The following AFAP1 variants were observed in gnomAD, a reference collection of about 807,000 sequenced individuals.
AFAP1 encodes actin filament associated protein 1.
A neutral mutation model predicts 93.9 loss-of-function variants in AFAP1; 75 were observed. That is an observed-to-expected ratio of 0.80 (90% CI 0.66 to 0.97). The LOEUF (loss-of-function observed/expected upper bound fraction) is 0.97. Ranked by LOEUF, AFAP1 falls within the 50% of genes least tolerant of loss-of-function variation. The pLI is 0.00. For missense variants in AFAP1, 1,201 were observed against 1,050.8 expected, an observed-to-expected ratio of 1.14 and a Z score of -1.98; for synonymous variants, 517 against 430.7, an observed-to-expected ratio of 1.20 and a Z score of -2.48.
chr4:7,767,102 AATCCTG>A (rs1443980682), intron 17 of AFAP1, among the ~76,000 whole-genome samples: 1 of 152,172 alleles, frequency 6.6e-6, no homozygotes, highest in Non-Finnish European at 1.5e-5. Context: ...TGTTCTCAGA[AATCCTG>A]GGGAACCCTG....
At chr4:7,861,309 C>T (rs1167099694) in intron 3 of AFAP1, among the ~76,000 whole-genome samples, 2 of 152,234 alleles carry the variant, frequency 1.3e-5, no homozygotes, top group Non-Finnish European at 2.9e-5. Context: ...TCTAAACTTC[C>T]TGTGCCGCTT....
chr4:7,779,496 C>T (rs543707475), intron 13 of AFAP1, among the ~76,000 whole-genome samples: 3 of 152,190 alleles, frequency 2.0e-5, no homozygotes, highest in Non-Finnish European at 4.4e-5. Context: ...CAGGCCAACA[C>T]GTTTTGCATT....
intron 10 of AFAP1, among the ~76,000 whole-genome samples, chr4:7,795,085 A>G (rs957006467): frequency 3.9e-5 from 6 of 152,212 alleles, no homozygotes; most frequent in Non-Finnish European, 8.8e-5. Flanking sequence ...TTTAACACTG[A>G]TCATAATATA....
intron 4 of AFAP1, among the ~76,000 whole-genome samples, chr4:7,849,284 G>A (rs940001172): frequency 6.6e-6 from 1 of 152,110 alleles, no homozygotes; most frequent in African/African-American, 2.4e-5. Flanking sequence ...GGCAGGAGCT[G>A]TGGCCCTCAT....
chr4:7,864,167 A>AACTTCCCATCACAACGCATT (rs1577313455), intron 3 of AFAP1, among the ~76,000 whole-genome samples: 1 of 125,726 alleles, frequency 8.0e-6, no homozygotes, highest in Non-Finnish European at 1.7e-5. Flanking sequence ...ATCACAACCC[A>AACTTCCCATCACAACGCATT]CAGGTCCTTT....
At chr4:7,778,322 G>A (rs909633397) in intron 14 of AFAP1, 13 of 251,464 alleles carry the variant, frequency 5.2e-5, no homozygotes, top group East Asian at 2.4e-4. Flanking sequence ...TTGGAGGTCC[G>A]TGTATTACCT....
chr4:7,837,340 T>C (rs1195017593), intron 6 of AFAP1, among the ~76,000 whole-genome samples: 1 of 152,154 alleles, frequency 6.6e-6, no homozygotes, highest in African/African-American at 2.4e-5. Context: ...GACTAGGTCA[T>C]GAGGGCAGAG....
chr4:7,766,703 C>A (rs1398608884), intron 17 of AFAP1, among the ~76,000 whole-genome samples: 1 of 152,180 alleles, frequency 6.6e-6, no homozygotes, highest in East Asian at 1.9e-4. Context: ...AGCCCAGCGC[C>A]TGCCCCTCGG....
At chr4:7,815,616 T>C (rs971722281) in intron 8 of AFAP1, among the ~76,000 whole-genome samples, 7 of 152,056 alleles carry the variant, frequency 4.6e-5, no homozygotes, top group Non-Finnish European at 1.0e-4. Context: ...AATGGGAAAG[T>C]GGGTTTCTTG....
At chr4:7,868,498 G>C in intron 3 of AFAP1, 124 bp downstream of exon 3, 1 of 743,456 alleles carries the variant, frequency 1.3e-6, no homozygotes, top group East Asian at 2.8e-5. Flanking sequence ...ATACTCAAAG[G>C]AGTGCCTCGA....
chr4:7,839,815 C>A (rs1051090302), intron 5 of AFAP1, among the ~76,000 whole-genome samples: 4 of 152,128 alleles, frequency 2.6e-5, no homozygotes, highest in African/African-American at 7.2e-5. Context: ...TCCTAACAGT[C>A]CAAGAGGGCA....
rs913869359 is a variant in AFAP1, at chr4:7,855,383, C to T, written c.334+83G>A. 9.0e-6 allele frequency: 10 copies of T among 1,116,942 alleles called. No individual in the cohort carries two copies. In the African/African-American group the frequency reaches 1.2e-4, roughly 14 times the overall value. 69.2% of individuals were successfully genotyped at this position (1,116,942 alleles called of 1,614,324 possible). ...CAGTGTTTTATAATACCCTGTTGCC[C>T]TTCCTACCCAGAAAGGGGACAGGCT... On this transcript the variant is annotated intron_variant, in intron 4 of 17. Coordinates refer to ENST00000420658, the MANE Select transcript of AFAP1 (RefSeq NM_001134647.2).
At chr4:7,910,388 A>C (rs1719659042) in intron 1 of AFAP1, among the ~76,000 whole-genome samples, 1 of 152,206 alleles carries the variant, frequency 6.6e-6, no homozygotes, top group Non-Finnish European at 1.5e-5. Flanking sequence ...GCATAAAAAC[A>C]AGAGATGTTA....
At chr4:7,866,153 T>C (rs1389361624) in intron 3 of AFAP1, among the ~76,000 whole-genome samples, 2 of 152,134 alleles carry the variant, frequency 1.3e-5, no homozygotes, top group Non-Finnish European at 2.9e-5. Context: ...CACCTCGGCC[T>C]CCCAAAGTGC....
Position 7,786,323 on chromosome 4 carries a change from G to A in AFAP1, c.1413-12C>T. The stretch of plus-strand genomic sequence containing the variant: ...GCCTGTTCATGAAACTGAAAGAAAG[G>A]AAATGCGTTAAAATCCATAACCTGA... On this transcript the variant is annotated splice_polypyrimidine_tract_variant and intron_variant, in intron 11 of 17. Transcript: ENST00000420658. The A allele has an allele frequency of 6.2e-6, 10 of 1,605,766 alleles. No homozygotes were observed. The highest frequency in any genetic ancestry group is 1.1e-5 in the South Asian group (1 of 90,882).
intron 9 of AFAP1, among the ~76,000 whole-genome samples, chr4:7,802,137 A>G (rs1415555955): frequency 2.6e-5 from 4 of 152,186 alleles, no homozygotes; most frequent in African/African-American, 4.8e-5. Context: ...ACACACTTAT[A>G]AAGTCTAAAT....
At chr4:7,785,409 C>A (rs535683807) in intron 12 of AFAP1, among the ~76,000 whole-genome samples, 17 of 152,244 alleles carry the variant, frequency 1.1e-4, no homozygotes, top group Non-Finnish European at 2.2e-4. Flanking sequence ...GAGCCAGGAG[C>A]CTGGCTCCTC....
At chr4:7,898,656 A>AG (rs1491184245) in intron 1 of AFAP1, among the ~76,000 whole-genome samples, 1 of 48,886 alleles carries the variant, frequency 2.0e-5, no homozygotes, top group Non-Finnish European at 6.1e-5. Flanking sequence ...AAGAAAAAGA[A>AG]GAAAAAAAAA....
chr4:7,911,799 G>C (rs1208896688), intron 1 of AFAP1, among the ~76,000 whole-genome samples: 2 of 152,120 alleles, frequency 1.3e-5, no homozygotes, highest in Admixed American at 6.6e-5. Flanking sequence ...TAGAGTCCTG[G>C]GGTTCTCCAT....
Sources: allele counts gnomAD v4.1 joint callset (sites outside exome capture counted in the v4.1 genomes callset), GRCh38; gene constraint gnomAD v4.1.1; transcripts MANE v1.5; gene names NCBI Gene and HGNC (gene_info 2026-07-23, HGNC 2026-07-21).